Variants in ADAMTS16 observed in about 807,000 individuals in gnomAD.
The protein encoded by ADAMTS16 is ADAM metallopeptidase with thrombospondin type 1 motif 16.
In ADAMTS16, 94 loss-of-function variants were observed where a neutral mutation model predicts 145.8. The observed-to-expected ratio is 0.64, with a 90% CI of 0.55 to 0.77. The LOEUF is 0.77. ADAMTS16 is among the 30% of genes least tolerant of loss of function. The pLI, the probability that ADAMTS16 is intolerant of heterozygous loss-of-function variation, is 0.00. For missense variants in ADAMTS16, 1,585 were observed against 1,591.5 expected (o/e 1.00, Z 0.07); for synonymous variants, 659 against 604.3 (o/e 1.09, Z -1.33).
At chr5:5,311,300 C>CA (rs57267931) in intron 21 of ADAMTS16, among the ~76,000 whole-genome samples, 7 of 128,016 alleles carry the variant, frequency 5.5e-5, no homozygotes, top group African/African-American at 1.5e-4. Flanking sequence ...TTGACATAGG[C>CA]AAAAAAAAAA....
Position 5,320,170 on chromosome 5 carries a change from C to T in ADAMTS16, c.*1032C>T, listed in dbSNP as rs555071458. 1.9e-5 allele frequency: 6 copies of T among 313,448 alleles called. 1 individual carries two copies. The highest frequency in any genetic ancestry group is 6.9e-5 in the African/African-American group (3 of 43,570). 19.4% of individuals were successfully genotyped at this position (313,448 alleles called of 1,614,324 possible). On this transcript the variant is annotated 3_prime_UTR_variant, in exon 23 of 23. Coordinates refer to ENST00000274181, the MANE Select transcript of ADAMTS16 (RefSeq NM_139056.4). This position sits in a 1 kb window ranked among gnomAD's most constrained non-coding sequence, Gnocchi z 5.1. Reference sequence around the variant, plus strand: ...GGTGTTAGGGTGGGAATCTGCCCGGCGTCTCTGGCACCCTCCCTGCCATCC... The same window carrying T: ...GGTGTTAGGGTGGGAATCTGCCCGGTGTCTCTGGCACCCTCCCTGCCATCC...
At chr5:5,275,452 A>G (rs1738650150) in intron 18 of ADAMTS16, among the ~76,000 whole-genome samples, 1 of 152,096 alleles carries the variant, frequency 6.6e-6, no homozygotes, top group Non-Finnish European at 1.5e-5. Flanking sequence ...CAAATTCCAT[A>G]GTTATTTATT....
chr5:5,222,648 A>G, intron 10 of ADAMTS16, 141 bp from the exon 11 acceptor site: 3 of 656,706 alleles, frequency 4.6e-6, no homozygotes. Flanking sequence ...TTACTCTATT[A>G]TATGCTATCA....
chr5:5,237,654 C>T (rs1045705279), intron 14 of ADAMTS16, among the ~76,000 whole-genome samples: 1 of 151,964 alleles, frequency 6.6e-6, no homozygotes, highest in African/African-American at 2.4e-5. Flanking sequence ...GATTTGGTTG[C>T]GGTTTGTGGG....
intron 14 of ADAMTS16, 26 bp downstream of exon 14, chr5:5,237,125 A>G (rs773254619): frequency 5.0e-6 from 8 of 1,610,078 alleles, no homozygotes; most frequent in East Asian, 4.5e-5. Flanking sequence ...CATTCATTCA[A>G]CAAATGATTC....
intron 13 of ADAMTS16, among the ~76,000 whole-genome samples, chr5:5,236,535 G>A (rs927318532): frequency 4.0e-5 from 6 of 151,892 alleles, no homozygotes; most frequent in African/African-American, 1.2e-4. Flanking sequence ...TACCAAATGC[G>A]TTAAGAAATT....
rs185936061 is a variant in ADAMTS16 at position 5,225,738 on chromosome 5, G to A, written c.1701+2854G>A. Among the ~76,000 whole-genome samples the A allele has an allele frequency of 3.9e-5, 6 of 152,306 alleles. No individual in the cohort carries two copies. The East Asian group carries it at 5.8e-4, about 15-fold the overall frequency. On this transcript the variant is annotated intron_variant, in intron 11 of 22. Coordinates refer to ENST00000274181, the MANE Select transcript of ADAMTS16 (RefSeq NM_139056.4). ...AATCCACATTTTACATGTGAGTGGA[G>A]GATTGAAGATTCGTGAGTATAAAGA... is the stretch of plus-strand genomic sequence containing the variant.
At chr5:5,195,160 C>T (rs1055436705) in intron 8 of ADAMTS16, among the ~76,000 whole-genome samples, 1 of 149,230 alleles carries the variant, frequency 6.7e-6, no homozygotes, top group Non-Finnish European at 1.5e-5. Context: ...GGAGGAGAGA[C>T]TGGAACCAGA....
chr5:5,163,303 A>T (rs187089294), intron 3 of ADAMTS16, among the ~76,000 whole-genome samples: 1 of 152,260 alleles, frequency 6.6e-6, no homozygotes, highest in Non-Finnish European at 1.5e-5. Flanking sequence ...AGCATAAATA[A>T]CTTCACTGCC....
intron 18 of ADAMTS16, among the ~76,000 whole-genome samples, chr5:5,302,123 A>G (rs1350076554): frequency 6.6e-6 from 1 of 152,090 alleles, no homozygotes; most frequent in Non-Finnish European, 1.5e-5. Flanking sequence ...TCCAGGGTGC[A>G]CACCAAGCCC....
chr5:5,304,142 G>T (rs530565759), intron 20 of ADAMTS16, among the ~76,000 whole-genome samples: 104 of 152,318 alleles, frequency 6.8e-4, no homozygotes, highest in African/African-American at 2.5e-3. Flanking sequence ...CGCGGCTCCT[G>T]AAGAGCAGGA....
chr5:5,250,709 CTG>C (rs66744630), intron 17 of ADAMTS16, among the ~76,000 whole-genome samples: 8 of 122,932 alleles, frequency 6.5e-5, no homozygotes, highest in African/African-American at 2.3e-4. Context: ...TCTCTTCTCT[CTG>C]TGTGTGTGTG....
At chr5:5,275,557 T>C (rs1283976918) in intron 18 of ADAMTS16, among the ~76,000 whole-genome samples, 1 of 152,210 alleles carries the variant, frequency 6.6e-6, no homozygotes, top group East Asian at 1.9e-4. Context: ...TTCCATTTTT[T>C]CTCTTAGTTT....
intron 18 of ADAMTS16, among the ~76,000 whole-genome samples, chr5:5,300,968 C>A (rs1452478416): frequency 6.6e-6 from 1 of 152,148 alleles, no homozygotes; most frequent in Non-Finnish European, 1.5e-5. Flanking sequence ...ATACCTCGAT[C>A]CAGATTGTGG....
intron 17 of ADAMTS16, among the ~76,000 whole-genome samples, chr5:5,252,175 G>A (rs571892618): frequency 5.9e-5 from 9 of 152,210 alleles, no homozygotes; most frequent in South Asian, 4.2e-4. Context: ...CTACATCCCC[G>A]TGTCTACAAT....
At position 5,186,183 on chromosome 5, in the gene ADAMTS16, G is replaced by C; in HGVS notation, c.895G>C (p.Asp299His). The C allele has an allele frequency of 6.2e-7, 1 of 1,613,566 alleles. No individual in the cohort carries two copies. Among genetic ancestry groups the C allele is most frequent in the Non-Finnish European group, 8.5e-7 (1 of 1,179,904 alleles). ...ELNVETLVVV[D>H]KKMMQNHGHE... ...GAACGTGGAGACCTTGGTGGTGGTC[G>C]ACAAAAAGATGATGCAAAACCATGG... Residue 299 changes from aspartate (D) to histidine (H), a missense_variant, in exon 5 of 23, where the codon GAC becomes CAC. Physicochemically the swap from Asp to His is moderately conservative, Grantham distance 81. Coordinates refer to ENST00000274181, the MANE Select transcript of ADAMTS16 (RefSeq NM_139056.4).
chr5:5,161,992 A>G (rs1734752968), intron 3 of ADAMTS16, among the ~76,000 whole-genome samples: 1 of 152,188 alleles, frequency 6.6e-6, no homozygotes, highest in Non-Finnish European at 1.5e-5. Context: ...ACGTTTTCTC[A>G]TCTTTAGTGT....
chr5:5,305,194 A>C (rs199601654), intron 20 of ADAMTS16, among the ~76,000 whole-genome samples: 12 of 38,018 alleles, frequency 3.2e-4, no homozygotes, highest in Admixed American at 4.7e-4. Context: ...TCCCACACCA[A>C]ACACACACAC....
chr5:5,316,273 C>T (rs2126538749), intron 21 of ADAMTS16, among the ~76,000 whole-genome samples: 1 of 152,328 alleles, frequency 6.6e-6, no homozygotes, highest in East Asian at 1.9e-4. Context: ...CCCAGTTTTT[C>T]ACAGTGTGAT....
Sources: allele counts gnomAD v4.1 joint callset (sites outside exome capture counted in the v4.1 genomes callset), GRCh38; gene constraint gnomAD v4.1.1; non-coding constraint Gnocchi (gnomAD v3.1); transcripts MANE v1.5; gene names NCBI Gene and HGNC (gene_info 2026-07-23, HGNC 2026-07-21).